The following BLTP2 variants were observed in gnomAD, a reference collection of about 807,000 sequenced individuals.
The protein encoded by BLTP2 is bridge-like lipid transfer protein family member 2, also known as U937-associated antigen.
the BLTP2 span, chr17:28,621,427 T>A: frequency 5.6e-6 from 9 of 1,614,158 alleles, no homozygotes; most frequent in Non-Finnish European, 7.6e-6. Flanking sequence ...TGCCGCCCAC[T>A]GCCTGCCCAC....
At chr17:28,620,529 G>A in the BLTP2 span, 1 of 1,614,192 alleles carries the variant, frequency 6.2e-7, no homozygotes, top group East Asian at 2.2e-5. Context: ...GGTTCTACAT[G>A]GAGCAGCAGG....
At chr17:28,625,063 C>T in the BLTP2 span, among the ~76,000 whole-genome samples, 2 of 152,022 alleles carry the variant, frequency 1.3e-5, no homozygotes, top group African/African-American at 2.4e-5. Context: ...CGGGGCCAGG[C>T]GCGGTGGCTC....
At chr17:28,626,855 G>A in the BLTP2 span, among the ~76,000 whole-genome samples, 3 of 152,162 alleles carry the variant, frequency 2.0e-5, no homozygotes, top group Admixed American at 6.5e-5. Context: ...GTTTCCTTCA[G>A]TCCTGTGAGC....
the BLTP2 span, chr17:28,637,015 T>A: frequency 6.2e-7 from 1 of 1,614,206 alleles, no homozygotes; most frequent in South Asian, 1.1e-5. Flanking sequence ...ATGGAAAGGC[T>A]GAGCACTGGG....
chr17:28,615,929 C>T, the BLTP2 span: 1 of 1,125,368 alleles, frequency 8.9e-7, no homozygotes, highest in Non-Finnish European at 1.3e-6. Context: ...TTTCCCCTTA[C>T]CTCAGCCTCG....
At chr17:28,637,333 T>A in the BLTP2 span, among the ~76,000 whole-genome samples, 2 of 152,334 alleles carry the variant, frequency 1.3e-5, no homozygotes, top group South Asian at 4.1e-4. Flanking sequence ...CATCTTAACC[T>A]AACTAGATTC....
At chr17:28,639,587 C>T in the BLTP2 span, 1 of 1,614,166 alleles carries the variant, frequency 6.2e-7, no homozygotes, top group Non-Finnish European at 8.5e-7. Flanking sequence ...GCACACTAGC[C>T]TTGAGGGAGT....
chr17:28,616,548 G>T, the BLTP2 span: 2 of 1,614,004 alleles, frequency 1.2e-6, no homozygotes, highest in Admixed American at 1.7e-5. This position sits in a 1 kb window ranked among gnomAD's most constrained non-coding sequence, Gnocchi z 4.8. Context: ...ATCCATCCTC[G>T]TTCTGAAGTC....
At chr17:28,632,005 A>G in the BLTP2 span, 1 of 1,607,678 alleles carries the variant, frequency 6.2e-7, no homozygotes, top group Non-Finnish European at 8.5e-7. Flanking sequence ...GAAAACTAGA[A>G]GCAGAATAAA....
the BLTP2 span, chr17:28,641,942 C>A: frequency 6.2e-7 from 1 of 1,614,160 alleles, no homozygotes; most frequent in Non-Finnish European, 8.5e-7. Context: ...CAGCAGTTGG[C>A]TCTGGAAGAG....
the BLTP2 span, chr17:28,615,291 G>A: frequency 2.0e-6 from 3 of 1,488,958 alleles, no homozygotes; most frequent in Non-Finnish European, 2.8e-6. Context: ...ATATTAGTGG[G>A]CAGGCAGAAT....
At chr17:28,635,660 T>G in the BLTP2 span, 6 of 1,542,780 alleles carry the variant, frequency 3.9e-6, no homozygotes, top group Non-Finnish European at 5.2e-6. Context: ...CACAAAACAG[T>G]AGAGATGGCA....
chr17:28,644,518 C>T, the BLTP2 span, among the ~76,000 whole-genome samples: 1 of 152,218 alleles, frequency 6.6e-6, no homozygotes, highest in African/African-American at 2.4e-5. Flanking sequence ...TCACATGTGC[C>T]ATCACACTCC....
the BLTP2 span, chr17:28,621,148 T>G: frequency 6.2e-7 from 1 of 1,613,958 alleles, no homozygotes; most frequent in East Asian, 2.2e-5. Context: ...GGGCTTGCTG[T>G]GCCTCAGCTG....
chr17:28,645,142 A>T, the BLTP2 span: 2 of 1,128,468 alleles, frequency 1.8e-6, no homozygotes, highest in Non-Finnish European at 2.3e-6. Flanking sequence ...CCGCGGGCCG[A>T]CCAGCTGCGC....
the BLTP2 span, chr17:28,621,437 CTCTCCATCA>C: frequency 1.2e-6 from 2 of 1,614,212 alleles, no homozygotes; most frequent in Non-Finnish European, 1.7e-6. Context: ...TGCCTGCCCA[CTCTCCATCA>C]GCTCCTGCAC....
the BLTP2 span, chr17:28,637,079 C>T: frequency 2.5e-6 from 4 of 1,614,172 alleles, no homozygotes; most frequent in Admixed American, 1.7e-5. Flanking sequence ...TGACTGATTT[C>T]ACCAGCGCTA....
At chr17:28,635,441 C>T in the BLTP2 span, 1 of 1,614,154 alleles carries the variant, frequency 6.2e-7, no homozygotes, top group Non-Finnish European at 8.5e-7. Flanking sequence ...GCACGGCCTT[C>T]TAGCTCAGAA....
the BLTP2 span, among the ~76,000 whole-genome samples, chr17:28,626,783 C>T: frequency 5.3e-5 from 8 of 152,334 alleles, no homozygotes; most frequent in South Asian, 2.1e-4. Flanking sequence ...TCCCATACCT[C>T]GCACTATGCA....
Sources: gnomAD v4.1 joint callset for allele counts (sites outside exome capture counted in the v4.1 genomes callset) on GRCh38, gnomAD v4.1.1 for gene constraint, Gnocchi (gnomAD v3.1) non-coding constraint, MANE v1.5 for transcripts, NCBI Gene and HGNC (gene_info 2026-07-23, HGNC 2026-07-21) for gene names.